XXYLT1: variants seen among roughly 807,000 people sequenced by gnomAD.
The protein encoded by XXYLT1 is xyloside xylosyltransferase 1.
Under a neutral mutation model 28.9 loss-of-function variants are expected in XXYLT1, and 20 were observed. The ratio of observed to expected loss-of-function variants is 0.69; its 90% confidence interval spans 0.49 to 1.00. XXYLT1 has a LOEUF of 1.00. XXYLT1 is among the 50% of genes least tolerant of loss of function. XXYLT1 has a pLI of 0.00. For synonymous variants in XXYLT1, 257 were observed against 253.8 expected, an observed-to-expected ratio of 1.01 and a Z score of -0.12; for missense variants, 542 against 560.1, an observed-to-expected ratio of 0.97 and a Z score of 0.33.
At chr3:195,117,494 C>T (rs1224990164) in intron 3 of XXYLT1, among the ~76,000 whole-genome samples, 1 of 152,154 alleles carries the variant, frequency 6.6e-6, no homozygotes, top group Middle Eastern at 3.2e-3. Flanking sequence ...AAAACTTGTA[C>T]ATGTATCTAT....
rs1248387250 is a variant in XXYLT1, at chr3:195,123,180, C to CA, written c.785+33268dup. Among the ~76,000 whole-genome samples the CA allele has an allele frequency of 1.9e-3, 267 of 142,820 alleles. 1 individual carries two copies. The highest frequency in any genetic ancestry group is 7.2e-3 in the Middle Eastern group (2 of 278). 93.7% of individuals were successfully genotyped at this position (142,820 alleles called of 152,430 possible). ...TTCAATGTGCAAGCCTCTAATTTAC[C>CA]AAAAAAAAAAACCCTACATTTTTTT... is the stretch of plus-strand genomic sequence containing the variant. On this transcript the variant is annotated intron_variant, in intron 3 of 3. Coordinates refer to ENST00000310380, the MANE Select transcript of XXYLT1 (RefSeq NM_152531.5).
chr3:195,257,480 A>G lies in XXYLT1; in HGVS notation c.504+13075T>C, dbSNP rs1411551204. Among the ~76,000 whole-genome samples the G allele has an allele frequency of 6.6e-6, 1 of 152,170 alleles. No homozygotes were observed. Among genetic ancestry groups the G allele is most frequent in the Non-Finnish European group, 1.5e-5 (1 of 68,014 alleles). ...GAGCTTCATCATGAAAGGCGAGTTAATCAGATGAAGATGGGAGGAATGGGT... is the reference window on the plus strand; with the variant it reads ...GAGCTTCATCATGAAAGGCGAGTTAGTCAGATGAAGATGGGAGGAATGGGT... On this transcript the variant is annotated intron_variant, in intron 1 of 3. Transcript: ENST00000310380. The surrounding 1 kb of genome is among the most constrained non-coding windows in gnomAD (Gnocchi z 4.3).
At chr3:195,192,718 C>T (rs1047737684) in intron 2 of XXYLT1, among the ~76,000 whole-genome samples, 1 of 152,176 alleles carries the variant, frequency 6.6e-6, no homozygotes, top group African/African-American at 2.4e-5. Flanking sequence ...GCAAGGACGT[C>T]TGCTATTGCC....
At chr3:195,079,765 T>C (rs1715323267) in intron 3 of XXYLT1, among the ~76,000 whole-genome samples, 1 of 152,016 alleles carries the variant, frequency 6.6e-6, no homozygotes, top group South Asian at 2.1e-4. Flanking sequence ...TGAAGTCATC[T>C]AAGGAGGAGG....
chr3:195,095,827 G>A (rs1326275086), intron 3 of XXYLT1: 5 of 152,202 alleles, frequency 3.3e-5, no homozygotes, highest in Admixed American at 6.5e-5. Context: ...CAGCTCAACA[G>A]GGATGAGTAA....
intron 2 of XXYLT1, among the ~76,000 whole-genome samples, chr3:195,194,659 T>C (rs756689057): frequency 6.6e-5 from 10 of 152,020 alleles, no homozygotes; most frequent in Admixed American, 4.6e-4. Flanking sequence ...GGTCCAAACG[T>C]CCATCAACTA....
chr3:195,138,905 T>TAGAGAGAGAGCATCCTAGTC (rs1391699098), intron 3 of XXYLT1, among the ~76,000 whole-genome samples: 3 of 147,638 alleles, frequency 2.0e-5, no homozygotes, highest in Admixed American at 1.3e-4. Context: ...AAAAATGGGC[T>TAGAGAGAGAGCATCCTAGTC]AGAGAGAGAG....
At chr3:195,148,265 T>A (rs768976624) in intron 3 of XXYLT1, among the ~76,000 whole-genome samples, 2 of 152,230 alleles carry the variant, frequency 1.3e-5, no homozygotes, top group Non-Finnish European at 2.9e-5. Context: ...TCCCTTTTTA[T>A]GAGTAATTCC....
In XXYLT1 at chr3:195,077,351, T is replaced by C. The variant is rs2108642874; in HGVS notation, c.786-7240A>G. Among the ~76,000 whole-genome samples the C allele has an allele frequency of 6.6e-6, 1 of 152,296 alleles. No individual in the cohort carries two copies. The highest frequency in any genetic ancestry group is 1.5e-5 in the Non-Finnish European group (1 of 68,000). Reference sequence around the variant, plus strand: ...AATAACATGGATGGAATGGGGAAGATGCCCCCACTGGGCTGGTCCGGGACT... The same window carrying C: ...AATAACATGGATGGAATGGGGAAGACGCCCCCACTGGGCTGGTCCGGGACT... On this transcript the variant is annotated intron_variant, in intron 3 of 3. Transcript: ENST00000310380. This position sits in a 1 kb window ranked among gnomAD's most constrained non-coding sequence, Gnocchi z 4.8.
chr3:195,074,991 C>T (rs1715033105), intron 3 of XXYLT1, among the ~76,000 whole-genome samples: 1 of 152,180 alleles, frequency 6.6e-6, no homozygotes, highest in African/African-American at 2.4e-5. Context: ...GTGGCTCGCA[C>T]CTGTAATCCC....
rs1041610481 is a variant in XXYLT1 at position 195,078,839 on chromosome 3, C to T, written c.786-8728G>A. On this transcript the variant is annotated intron_variant, in intron 3 of 3. Coordinates refer to ENST00000310380, the MANE Select transcript of XXYLT1 (RefSeq NM_152531.5). This position sits in a 1 kb window ranked among gnomAD's most constrained non-coding sequence, Gnocchi z 5.0. Reference sequence around the variant, plus strand: ...GGGATCCCCTTCCTCTCTGCTCCATCCCTAGGGACACCCTCAAGAATTCCA... The same window carrying T: ...GGGATCCCCTTCCTCTCTGCTCCATTCCTAGGGACACCCTCAAGAATTCCA... 2.0e-5 allele frequency among the ~76,000 whole-genome samples: 3 copies of T among 152,162 alleles called. No homozygotes were observed. The highest frequency in any genetic ancestry group is 4.4e-5 in the Non-Finnish European group (3 of 68,030).
chr3:195,110,219 TG>T (rs1325833082), intron 3 of XXYLT1, among the ~76,000 whole-genome samples: 17 of 72,256 alleles, frequency 2.4e-4, no homozygotes, highest in African/African-American at 6.0e-4. Context: ...TGTGCGTGTG[TG>T]GTGTATAAGT....
intron 2 of XXYLT1, among the ~76,000 whole-genome samples, chr3:195,204,548 C>T (rs966963838): frequency 1.3e-5 from 2 of 151,766 alleles, no homozygotes; most frequent in Non-Finnish European, 2.9e-5. Context: ...GGCCAGCCAG[C>T]CAGCCAGGTC....
chr3:195,106,365 C>T (rs1489238224), intron 3 of XXYLT1, among the ~76,000 whole-genome samples: 5 of 139,098 alleles, frequency 3.6e-5, no homozygotes, highest in Non-Finnish European at 7.6e-5. Flanking sequence ...TGCTCTTGCT[C>T]CGCACTCCCA....
chr3:195,109,128 C>T lies in XXYLT1; in HGVS notation c.786-39017G>A, dbSNP rs568686287. Among the ~76,000 whole-genome samples, 4 of 152,318 alleles carry T rather than the reference C, an allele frequency of 2.6e-5. No individual in the cohort carries two copies. The East Asian group carries it at 7.7e-4, about 29-fold the overall frequency. Reference sequence around the variant, plus strand: ...ACCCAGTCCCACTACCCCCAAAATTCATGCTCAGCATTCCTCCAGATACTC... The same window carrying T: ...ACCCAGTCCCACTACCCCCAAAATTTATGCTCAGCATTCCTCCAGATACTC... On this transcript the variant is annotated intron_variant, in intron 3 of 3. Coordinates refer to ENST00000310380, the MANE Select transcript of XXYLT1 (RefSeq NM_152531.5).
In XXYLT1 at chr3:195,134,866, T is replaced by TGTGC. The variant is rs1225181638; in HGVS notation, c.785+21579_785+21582dup. Among the ~76,000 whole-genome samples, 305 of 93,568 alleles carry TGTGC rather than the reference T, an allele frequency of 3.3e-3. 1 individual carries two copies. The highest frequency in any genetic ancestry group is 0.013 in the African/African-American group (287 of 21,936). 61.4% of individuals were successfully genotyped at this position (93,568 alleles called of 152,430 possible). ...GTGTGTGTGTGTGTGTGTGTGTGTG[T>TGTGC]GTGCGTGTGCGCGCGTGCGCGCACG... On this transcript the variant is annotated intron_variant, in intron 3 of 3. Transcript: ENST00000310380.
intron 2 of XXYLT1, among the ~76,000 whole-genome samples, chr3:195,186,925 T>C (rs1163520880): frequency 1.3e-5 from 2 of 150,926 alleles, no homozygotes; most frequent in African/African-American, 2.4e-5. Flanking sequence ...AACAGACTCT[T>C]GCTCTGTCAC....
chr3:195,170,936 C>T (rs368628032), intron 2 of XXYLT1, among the ~76,000 whole-genome samples: 2 of 151,974 alleles, frequency 1.3e-5, no homozygotes, highest in East Asian at 1.9e-4. Flanking sequence ...GGTGAGGACA[C>T]GAGCTCATGA....
At chr3:195,252,474 T>C (rs1725295332) in intron 1 of XXYLT1, among the ~76,000 whole-genome samples, 1 of 152,128 alleles carries the variant, frequency 6.6e-6, no homozygotes, top group Admixed American at 6.5e-5. Context: ...ATCTAAAAAA[T>C]ATATCGTGAG....
Sources: gnomAD v4.1 joint callset for allele counts (sites outside exome capture counted in the v4.1 genomes callset) on GRCh38, gnomAD v4.1.1 for gene constraint, Gnocchi (gnomAD v3.1) non-coding constraint, MANE v1.5 for transcripts, NCBI Gene and HGNC (gene_info 2026-07-23, HGNC 2026-07-21) for gene names.